ARRDC5: variants seen among roughly 807,000 people sequenced by gnomAD.
ARRDC5 encodes arrestin domain-containing protein 5.
ARRDC5 carries 12 observed loss-of-function variants against 13.3 expected under a neutral mutation model. The ratio of observed to expected loss-of-function variants is 0.90; its 90% CI spans 0.58 to 1.46. ARRDC5 has a LOEUF of 1.46. Among genes scored for constraint, ARRDC5 ranks in the 40% most tolerant of loss-of-function variants. ARRDC5 has a pLI of 0.00. For synonymous variants in ARRDC5, 181 were observed against 173.4 expected (o/e 1.04, Z -0.34); for missense variants, 406 against 418.7 (o/e 0.97, Z 0.26).
At chr19:4,896,973 T>G in intron 1 of ARRDC5, 97 bp from the exon 2 acceptor site, 1 of 867,016 alleles carries the variant, frequency 1.2e-6, no homozygotes, top group Non-Finnish European at 1.7e-6. Context: ...TTATTTATTT[T>G]TGAGACACGG....
At chr19:4,913,464 A>G in the ARRDC5 span, among the ~76,000 whole-genome samples, 1 of 152,058 alleles carries the variant, frequency 6.6e-6, no homozygotes. Context: ...CATGTTGGCC[A>G]GGCTGGTCTT....
At chr19:4,915,772 G>A in the ARRDC5 span, among the ~76,000 whole-genome samples, 17 of 152,230 alleles carry the variant, frequency 1.1e-4, no homozygotes, top group Admixed American at 2.6e-4. Context: ...AATTGTCCCC[G>A]TGGACATAGT....
At chr19:4,915,118 A>G in the ARRDC5 span, among the ~76,000 whole-genome samples, 1 of 152,256 alleles carries the variant, frequency 6.6e-6, no homozygotes, top group South Asian at 2.1e-4. Context: ...GATTAAGGTC[A>G]GTCTGATGCC....
At chr19:4,913,252 C>CTTTTTTT in the ARRDC5 span, among the ~76,000 whole-genome samples, 4 of 111,200 alleles carry the variant, frequency 3.6e-5, no homozygotes, top group African/African-American at 7.5e-5. Context: ...GTACATTGTG[C>CTTTTTTT]TTTTTTTTTT....
upstream of ARRDC5, among the ~76,000 whole-genome samples, chr19:4,907,815 C>T (rs569696237): frequency 6.3e-5 from 9 of 143,984 alleles, no homozygotes; most frequent in East Asian, 1.3e-3. Context: ...TGGGTTCAAG[C>T]GATTCTCCTG....
chr19:4,897,517 CT>C (rs1250490281), intron 1 of ARRDC5, among the ~76,000 whole-genome samples: 1 of 151,484 alleles, frequency 6.6e-6, no homozygotes, highest in East Asian at 1.9e-4. Flanking sequence ...ACAAATATAT[CT>C]TTTTTTTTCT....
intron 2 of ARRDC5, among the ~76,000 whole-genome samples, chr19:4,895,974 C>A (rs1275832682): frequency 1.3e-5 from 2 of 152,152 alleles, no homozygotes; most frequent in African/African-American, 4.8e-5. Flanking sequence ...GATAAAACAG[C>A]CACAGTTGAA....
At chr19:4,892,857 G>A (rs1049821716) in intron 2 of ARRDC5, among the ~76,000 whole-genome samples, 1 of 151,492 alleles carries the variant, frequency 6.6e-6, no homozygotes, top group African/African-American at 2.4e-5. Flanking sequence ...GGCGCTCCCA[G>A]CATTTCAGGA....
At chr19:4,900,564 G>C (rs1351749346) in intron 1 of ARRDC5, among the ~76,000 whole-genome samples, 1 of 152,158 alleles carries the variant, frequency 6.6e-6, no homozygotes, top group Non-Finnish European at 1.5e-5. Context: ...CTGAGAGCCA[G>C]AGAGGTCACA....
At chr19:4,916,297 C>T in the ARRDC5 span, among the ~76,000 whole-genome samples, 1 of 145,438 alleles carries the variant, frequency 6.9e-6, no homozygotes, top group Non-Finnish European at 1.5e-5. Context: ...CAGAGCGAGA[C>T]TTTGTCTCAA....
chr19:4,895,444 A>G (rs28374313), intron 2 of ARRDC5, among the ~76,000 whole-genome samples: 8,278 of 135,736 alleles, frequency 0.061, 187 homozygotes, highest in African/African-American at 0.14. Flanking sequence ...AAAAAAAAAA[A>G]AAAGAAAGAA....
rs1491487740 is a variant in ARRDC5 at position 4,896,349 on chromosome 19, T to TATA, written c.459+321_459+322insTAT. Among the ~76,000 whole-genome samples the TATA allele has an allele frequency of 4.8e-3, 146 of 30,594 alleles. 4 individuals carry two copies. The highest frequency in any genetic ancestry group is 0.025 in the Middle Eastern group (1 of 40). The allele number at this position is 30,594 out of a possible 152,430, so 20.1% of individuals were successfully genotyped here. ...AAAAAAATATATATATATATATATA[T>TATA]TTTTTTTTTTTTACACACACACACA... On this transcript the variant is annotated intron_variant, in intron 2 of 2. Coordinates refer to ENST00000650722, the MANE Select transcript of ARRDC5 (RefSeq NM_001080523.3).
In ARRDC5 at chr19:4,891,446, T is replaced by C; in HGVS notation, c.587A>G (p.Glu196Gly). 2 of 1,613,636 alleles carry C rather than the reference T, an allele frequency of 1.2e-6. No individual in the cohort carries two copies. The highest frequency in any genetic ancestry group is 1.1e-5 in the South Asian group (1 of 91,084). The change falls in exon 3 of 3, where the codon GAG (glutamate) becomes GGG (glycine). Residue 196 changes from glutamate to glycine, a missense_variant. Coordinates refer to ENST00000650722, the MANE Select transcript of ARRDC5 (RefSeq NM_001080523.3). ...TPGEKVVFTT[E>G]INNQTSKCIK... ...GCATTTGCTGGTCTGGTTGTTGATC[T>C]CTGTTGTGAAGACGACCTTCTCTCC...
At chr19:4,914,112 C>A in the ARRDC5 span, among the ~76,000 whole-genome samples, 1 of 152,102 alleles carries the variant, frequency 6.6e-6, no homozygotes. Flanking sequence ...AGGTGTGAAC[C>A]GTCGCATCCG....
At chr19:4,909,181 C>T in the ARRDC5 span, 3 of 393,916 alleles carry the variant, frequency 7.6e-6, no homozygotes, top group South Asian at 4.0e-5. Flanking sequence ...TGGGGGGCTG[C>T]GAACGGACTT....
chr19:4,894,961 A>G (rs950592127), intron 2 of ARRDC5, among the ~76,000 whole-genome samples: 2 of 152,032 alleles, frequency 1.3e-5, no homozygotes, highest in Non-Finnish European at 2.9e-5. Context: ...CTGCAGTCTT[A>G]TTCGAAAATT....
At chr19:4,896,953 A>C in intron 1 of ARRDC5, 77 bp from the exon 2 acceptor site, 1 of 1,020,982 alleles carries the variant, frequency 9.8e-7, no homozygotes, top group Non-Finnish European at 1.5e-6. Flanking sequence ...TTTTTGCTTT[A>C]TTTTTATATT....
Position 4,891,196 on chromosome 19 carries a change from G to C in ARRDC5, c.837C>G (p.Tyr279Ter), listed in dbSNP as rs764738190. The C allele has an allele frequency of 6.2e-7, 1 of 1,613,864 alleles. No homozygotes were observed. Among genetic ancestry groups the C allele is most frequent in the East Asian group, 2.2e-5 (1 of 44,872 alleles). The change falls in exon 3 of 3, where the codon TAC (tyrosine) becomes TAG (stop). Residue 279 changes from tyrosine to a stop codon, truncating the protein, a stop_gained. Transcript: ENST00000650722. LOFTEE classifies it low-confidence loss of function (END_TRUNC). ...TQDGEIMHTR[Y>*]ELVTTVHLPW... is the part of the protein sequence containing the mutation. ...GCAGGTGCACGGTGGTGACCAGCTC[G>C]TAGCGAGTGTGCATGATCTCACCGT...
At position 4,902,882 on chromosome 19, in the gene ARRDC5, C is replaced by T. The variant is rs777652094; in HGVS notation, c.-57G>A. ...CTGTCCCCCATGTCCCTGAAATTCC[C>T]GGTTCGTTGGCCCTAGTGAGGTAAT... On this transcript the variant is annotated 5_prime_UTR_variant, in exon 1 of 3. Transcript: ENST00000650722. 36 of 1,611,046 alleles carry T rather than the reference C, an allele frequency of 2.2e-5. No homozygotes were observed. Among genetic ancestry groups the T allele is most frequent in the African/African-American group, 1.3e-4 (10 of 74,832 alleles).
Sources: gnomAD v4.1 joint callset for allele counts (sites outside exome capture counted in the v4.1 genomes callset) on GRCh38, gnomAD v4.1.1 for gene constraint, MANE v1.5 for transcripts, NCBI Gene and HGNC (gene_info 2026-07-23, HGNC 2026-07-21) for gene names.